The following CYP4F22 variants were observed in gnomAD, a reference collection of about 807,000 sequenced individuals.
CYP4F22 encodes the protein ultra-long-chain fatty acid omega-hydroxylase.
In CYP4F22, 37 loss-of-function variants were observed where a neutral mutation model predicts 60.4. The observed-to-expected ratio is 0.61, with a 90% CI of 0.47 to 0.81. CYP4F22 has a LOEUF of 0.81. Among genes scored for constraint, CYP4F22 ranks in the 30% least tolerant of loss-of-function variants. The pLI is 0.00. For missense variants in CYP4F22, 655 were observed against 715.0 expected (o/e 0.92, Z 0.96); for synonymous variants, 258 against 280.5 (o/e 0.92, Z 0.80).
intron 13 of CYP4F22, 121 bp downstream of exon 13, chr19:15,550,877 C>G (rs1008901044): frequency 2.5e-6 from 3 of 1,192,090 alleles, no homozygotes; most frequent in African/African-American, 3.0e-5. Context: ...TCTGAAGACC[C>G]AGCACCCTCT....
chr19:15,539,433 G>A (rs980814309), intron 7 of CYP4F22, among the ~76,000 whole-genome samples: 24 of 152,150 alleles, frequency 1.6e-4, no homozygotes, highest in Non-Finnish European at 7.3e-5. Flanking sequence ...TGTTTATCCA[G>A]TCACCCATCG....
chr19:15,526,357 G>A (rs1219833702), intron 3 of CYP4F22, among the ~76,000 whole-genome samples: 1 of 152,048 alleles, frequency 6.6e-6, no homozygotes, highest in Non-Finnish European at 1.5e-5. Flanking sequence ...CCCTTTTATT[G>A]CATTGAATTT....
chr19:15,513,743 C>T lies in CYP4F22; in HGVS notation c.-109+5160C>T, dbSNP rs114331315. Reference sequence around the variant, plus strand: ...TGCGAACTCCTGAGCTCAGGCAATCCGCACCCCCCTCGGTCTCCCAAAGTG... The same window carrying T: ...TGCGAACTCCTGAGCTCAGGCAATCTGCACCCCCCTCGGTCTCCCAAAGTG... On this transcript the variant is annotated intron_variant, in intron 1 of 13. Coordinates refer to ENST00000269703, the MANE Select transcript of CYP4F22 (RefSeq NM_173483.4). Among the ~76,000 whole-genome samples, 1,131 of 151,804 alleles carry T rather than the reference C, an allele frequency of 7.5e-3. 18 individuals carry two copies. The highest frequency in any genetic ancestry group is 0.026 in the African/African-American group (1,090 of 41,382).
At chr19:15,509,025 G>A (rs1156953723) in intron 1 of CYP4F22, among the ~76,000 whole-genome samples, 3 of 152,020 alleles carry the variant, frequency 2.0e-5, no homozygotes, top group African/African-American at 7.2e-5. Context: ...TTGTCTTGAC[G>A]GGGAGGTTGT....
rs1971605831 is a variant in CYP4F22, at chr19:15,552,017, C to T, written c.*546C>T. 6.3e-6 allele frequency: 1 copy of T among 158,238 alleles called. No homozygotes were observed. Among genetic ancestry groups the T allele is most frequent in the South Asian group, 1.8e-4 (1 of 5,528 alleles). The allele number at this position is 158,238 out of a possible 1,614,324, so 9.8% of individuals were successfully genotyped here. A position where few individuals can be genotyped will look rare whatever the true frequency, so the allele number is the denominator to read the frequency against. Reference sequence around the variant, plus strand: ...CCTCAGCTCATACGGGCAGACTGCTCAGGCGTGAGGCTGGATCGTAGGGTT... The same window carrying T: ...CCTCAGCTCATACGGGCAGACTGCTTAGGCGTGAGGCTGGATCGTAGGGTT... On this transcript the variant is annotated 3_prime_UTR_variant, in exon 14 of 14. Coordinates refer to ENST00000269703, the MANE Select transcript of CYP4F22 (RefSeq NM_173483.4).
At chr19:15,534,602 T>A (rs1971376415) in intron 4 of CYP4F22, among the ~76,000 whole-genome samples, 1 of 152,128 alleles carries the variant, frequency 6.6e-6, no homozygotes, top group African/African-American at 2.4e-5. Context: ...CAGGTGTGAA[T>A]CATTGCACCT....
intron 10 of CYP4F22, among the ~76,000 whole-genome samples, chr19:15,545,648 C>CAAAAAAAAAAAAA (rs1217096575): frequency 1.5e-4 from 6 of 38,940 alleles, no homozygotes; most frequent in African/African-American, 4.3e-4. Context: ...GACCCTGTCT[C>CAAAAAAAAAAAAA]AAAAAAAAAA....
Position 15,548,090 on chromosome 19 carries a change from T to TA in CYP4F22, c.1137-17dup. 6.2e-7 allele frequency: 1 copy of TA among 1,612,354 alleles called. No homozygotes were observed. Among genetic ancestry groups the TA allele is most frequent in the South Asian group, 1.1e-5 (1 of 91,052 alleles). On this transcript the variant is annotated splice_polypyrimidine_tract_variant and intron_variant, in intron 10 of 13. Transcript: ENST00000269703. ...GCCATGGTGGCTCGGCCTCTAGTTA[T>TA]ATCTCCATTCTCCCCAGGGACGATC...
In CYP4F22 at chr19:15,551,404, C is replaced by G. The variant is rs1193556561; in HGVS notation, c.1529C>G (p.Pro510Arg). The change falls in exon 14 of 14, where the codon CCG (proline) becomes CGG (arginine). Residue 510 changes from proline to arginine, a missense_variant. Physicochemically the swap from Pro to Arg is moderately radical, Grantham distance 103 (BLOSUM62 -2). Coordinates refer to ENST00000269703, the MANE Select transcript of CYP4F22 (RefSeq NM_173483.4). ...VDRTRKVRRK[P>R]ELILRTENGL... is the part of the protein sequence containing the mutation. ...CGAACGCGCAAGGTGCGGCGGAAGC[C>G]GGAGCTCATACTGCGCACGGAGAAC... The G allele has an allele frequency of 1.9e-6, 3 of 1,603,212 alleles. No homozygotes were observed. Among genetic ancestry groups the G allele is most frequent in the Non-Finnish European group, 2.6e-6 (3 of 1,174,944 alleles).
At chr19:15,525,280 C>T (rs1971268217) in intron 2 of CYP4F22, 56 bp from the exon 3 acceptor site, 1 of 1,551,452 alleles carries the variant, frequency 6.4e-7, no homozygotes, top group Non-Finnish European at 8.8e-7. Context: ...CATGCATTAC[C>T]CCATGGGTCA....
intron 10 of CYP4F22, among the ~76,000 whole-genome samples, chr19:15,547,864 A>C (rs1971544466): frequency 6.6e-6 from 1 of 151,770 alleles, no homozygotes; most frequent in South Asian, 2.1e-4. Context: ...AAAACAAAAA[A>C]ACCACTAAAT....
chr19:15,550,494 G>C (rs576140466), intron 12 of CYP4F22, among the ~76,000 whole-genome samples, 180 bp from the exon 13 acceptor site: 1 of 152,136 alleles, frequency 6.6e-6, no homozygotes, highest in African/African-American at 2.4e-5. Context: ...TCACTGGTGC[G>C]TGTGAACAAC....
intron 4 of CYP4F22, 102 bp downstream of exon 4, chr19:15,529,955 A>T: frequency 4.0e-6 from 6 of 1,496,910 alleles, no homozygotes; most frequent in Non-Finnish European, 5.6e-6. Flanking sequence ...TCATTTGAAT[A>T]GGGCTTTGAA....
At chr19:15,535,087 G>A (rs1971381413) in intron 4 of CYP4F22, among the ~76,000 whole-genome samples, 1 of 152,160 alleles carries the variant, frequency 6.6e-6, no homozygotes, top group Non-Finnish European at 1.5e-5. Context: ...GCCTATCTTG[G>A]AGTCCAGAGT....
chr19:15,548,029 G>A (rs1184388829), intron 10 of CYP4F22, 79 bp from the exon 11 acceptor site: 9 of 1,293,650 alleles, frequency 7.0e-6, no homozygotes, highest in Non-Finnish European at 1.0e-5. Flanking sequence ...GTGTGTGTGT[G>A]TGTGTGTGTG....
rs1226490649 is a variant in CYP4F22 at position 15,540,657 on chromosome 19, C to T, written c.879C>T (p.Ala293=). The T allele has an allele frequency of 6.2e-7, 1 of 1,613,716 alleles. No homozygotes were observed. Among genetic ancestry groups the T allele is most frequent in the Admixed American group, 1.7e-5 (1 of 59,952 alleles). Residue 293 remains alanine (A), a synonymous_variant, in exon 8 of 14, where the codon GCC becomes GCT. Coordinates refer to ENST00000269703, the MANE Select transcript of CYP4F22 (RefSeq NM_173483.4). ...RRALRQQGAE[A]WLKAKQGKTL... ...CACTGCGTCAGCAGGGGGCCGAGGC[C>T]TGGCTTAAGGCCAAGCAGGGGAAGA...
At position 15,551,893 on chromosome 19, in the gene CYP4F22, A is replaced by AC. The variant is rs369156587; in HGVS notation, c.*431dup. 3,094 of 114,674 alleles carry AC rather than the reference A, an allele frequency of 0.027. 68 individuals are homozygous for AC. The highest frequency in any genetic ancestry group is 0.096 in the African/African-American group (2,555 of 26,674). 7.1% of individuals were successfully genotyped at this position (114,674 alleles called of 1,614,324 possible). A position where few individuals can be genotyped will look rare whatever the true frequency, so the allele number is the denominator to read the frequency against. ...TATGACTCAGGGCCCACCACACCCC[A>AC]CCCCCCCCCAACTGGCTGAACCCCT... On this transcript the variant is annotated 3_prime_UTR_variant, in exon 14 of 14. Transcript: ENST00000269703.
chr19:15,509,852 C>CTT (rs1971061837), intron 1 of CYP4F22, among the ~76,000 whole-genome samples: 3 of 148,022 alleles, frequency 2.0e-5, no homozygotes, highest in Non-Finnish European at 3.0e-5. Context: ...TGGGACCCAT[C>CTT]TCTCCTTCCT....
chr19:15,541,865 CAA>C (rs1052977392), intron 8 of CYP4F22, among the ~76,000 whole-genome samples: 4 of 99,662 alleles, frequency 4.0e-5, no homozygotes, highest in Non-Finnish European at 6.5e-5. Context: ...AACTCCGTCT[CAA>C]AAAAAAAAAA....
Sources: allele counts gnomAD v4.1 joint callset (sites outside exome capture counted in the v4.1 genomes callset), GRCh38; gene constraint gnomAD v4.1.1; transcripts MANE v1.5; gene names NCBI Gene and HGNC (gene_info 2026-07-23, HGNC 2026-07-21).